Variants in RAPGEF4 observed in about 807,000 individuals in gnomAD.
The protein encoded by RAPGEF4 is Rap guanine nucleotide exchange factor 4.
A neutral mutation model predicts 147.9 loss-of-function variants in RAPGEF4; 66 were observed. That is an observed-to-expected ratio of 0.45 (90% CI 0.37 to 0.55). The LOEUF (loss-of-function observed/expected upper bound fraction) is 0.55. Ranked by LOEUF, RAPGEF4 falls within the 20% of genes least tolerant of loss-of-function variation. The probability of loss-of-function intolerance (pLI) is 0.00; values close to 1 mark genes in which losing one functional copy is unlikely to be tolerated. For missense variants in RAPGEF4, 1,071 were observed against 1,257.3 expected (o/e 0.85, Z 2.24); for synonymous variants, 419 against 442.7 (o/e 0.95, Z 0.67).
At chr2:172,799,313 G>A (rs531125901) in intron 3 of RAPGEF4, among the ~76,000 whole-genome samples, 1 of 152,212 alleles carries the variant, frequency 6.6e-6, no homozygotes, top group Admixed American at 6.5e-5. Context: ...CTTACCTCGA[G>A]TATTGTATCT....
intron 4 of RAPGEF4, among the ~76,000 whole-genome samples, chr2:172,859,044 T>C (rs1475488767): frequency 6.6e-6 from 1 of 152,250 alleles, no homozygotes; most frequent in Non-Finnish European, 1.5e-5. Flanking sequence ...GACAAGTCTG[T>C]ATTTTATGCC....
chr2:172,844,895 C>A (rs974183977), intron 4 of RAPGEF4, among the ~76,000 whole-genome samples: 1 of 152,170 alleles, frequency 6.6e-6, no homozygotes, highest in East Asian at 1.9e-4. Flanking sequence ...TTTCAACGTA[C>A]AACATTGAGC....
At chr2:172,900,827 T>G (rs1698990616) in intron 4 of RAPGEF4, among the ~76,000 whole-genome samples, 2 of 152,214 alleles carry the variant, frequency 1.3e-5, no homozygotes, top group Non-Finnish European at 2.9e-5. Flanking sequence ...ATAATAATAC[T>G]CAAACACCGT....
At chr2:172,913,041 G>A (rs548586200) in intron 4 of RAPGEF4, among the ~76,000 whole-genome samples, 23 of 151,842 alleles carry the variant, frequency 1.5e-4, no homozygotes, top group South Asian at 8.4e-4. Flanking sequence ...GATTACAGGC[G>A]CCCACCACCA....
At chr2:172,791,717 A>C (rs1053565274) in intron 1 of RAPGEF4, among the ~76,000 whole-genome samples, 3 of 152,164 alleles carry the variant, frequency 2.0e-5, no homozygotes, top group African/African-American at 7.2e-5. Context: ...GTTATCTCAA[A>C]TTAATTTTGT....
At chr2:173,044,144 A>G (rs1270410241) in intron 29 of RAPGEF4, among the ~76,000 whole-genome samples, 1 of 151,924 alleles carries the variant, frequency 6.6e-6, no homozygotes, top group Non-Finnish European at 1.5e-5. Context: ...TACCTACTCT[A>G]GTTACATGCT....
At chr2:172,898,168 A>G (rs897772252) in intron 4 of RAPGEF4, among the ~76,000 whole-genome samples, 2 of 152,186 alleles carry the variant, frequency 1.3e-5, no homozygotes, top group African/African-American at 4.8e-5. Context: ...GAAGTCAAAC[A>G]TCCAGATGGA....
At chr2:172,961,865 GCAAAGTCCTTTA>G (rs1689333970) in intron 8 of RAPGEF4, among the ~76,000 whole-genome samples, 1 of 152,188 alleles carries the variant, frequency 6.6e-6, no homozygotes, top group African/African-American at 2.4e-5. Flanking sequence ...AACAAAATAT[GCAAAGTCCTTTA>G]CAGAGCTTGT....
chr2:172,978,439 C>T (rs2105615117), intron 10 of RAPGEF4, among the ~76,000 whole-genome samples: 1 of 152,276 alleles, frequency 6.6e-6, no homozygotes, highest in East Asian at 1.9e-4. Flanking sequence ...GTTTTCACAC[C>T]CTCTGTTCTG....
At chr2:172,971,116 T>A (rs1690433525) in intron 10 of RAPGEF4, among the ~76,000 whole-genome samples, 1 of 152,244 alleles carries the variant, frequency 6.6e-6, no homozygotes, top group Non-Finnish European at 1.5e-5. Context: ...TTTGGCTTTC[T>A]TTGAGCAGGT....
chr2:173,046,875 G>C (rs1685537484), intron 29 of RAPGEF4, among the ~76,000 whole-genome samples: 1 of 152,170 alleles, frequency 6.6e-6, no homozygotes, highest in African/African-American at 2.4e-5. Flanking sequence ...TATTCAGTGA[G>C]GTATTATGAT....
chr2:172,947,828 A>C (rs541982485), intron 6 of RAPGEF4, among the ~76,000 whole-genome samples: 28 of 152,256 alleles, frequency 1.8e-4, no homozygotes, highest in African/African-American at 6.5e-4. Context: ...TATACATAGA[A>C]TATACATGTA....
chr2:173,006,535 T>G (rs1694498098), intron 17 of RAPGEF4, among the ~76,000 whole-genome samples: 1 of 152,334 alleles, frequency 6.6e-6, no homozygotes, highest in South Asian at 2.1e-4. Flanking sequence ...GAACATGGAT[T>G]TGCCACTAAG....
At chr2:172,745,433 C>G (rs1193408631) in intron 1 of RAPGEF4, among the ~76,000 whole-genome samples, 2 of 151,602 alleles carry the variant, frequency 1.3e-5, no homozygotes, top group Admixed American at 1.3e-4. Flanking sequence ...CCTTTGTATC[C>G]CATATTGGTA....
intron 3 of RAPGEF4, among the ~76,000 whole-genome samples, chr2:172,800,846 T>C (rs924393901): frequency 6.6e-6 from 1 of 152,204 alleles, no homozygotes; most frequent in Non-Finnish European, 1.5e-5. Flanking sequence ...AACATCTAGA[T>C]TAGTATTTAA....
intron 26 of RAPGEF4, among the ~76,000 whole-genome samples, chr2:173,032,263 A>G (rs1236292818): frequency 6.6e-6 from 1 of 152,112 alleles, no homozygotes; most frequent in East Asian, 1.9e-4. Flanking sequence ...TGCTGGAAGC[A>G]CCTCTTACCA....
rs764802638 is a variant in RAPGEF4, at chr2:172,795,176, T to G, written c.208+9T>G. On this transcript the variant is annotated intron_variant, in intron 2 of 30. Coordinates refer to ENST00000397081, the MANE Select transcript of RAPGEF4 (RefSeq NM_007023.4). ...GGAAAAGGGAATAACATGTAAGAAA[T>G]GCAACTCTTGTAGTATATTTCCATG... 6.3e-7 allele frequency: 1 copy of G among 1,598,318 alleles called. No individual in the cohort carries two copies. Among genetic ancestry groups the G allele is most frequent in the South Asian group, 1.1e-5 (1 of 90,550 alleles).
At chr2:173,031,387 A>G (rs1034625108) in intron 26 of RAPGEF4, among the ~76,000 whole-genome samples, 3 of 152,246 alleles carry the variant, frequency 2.0e-5, no homozygotes, top group African/African-American at 4.8e-5. Flanking sequence ...GCACAAAGCC[A>G]TAATGCAACT....
intron 22 of RAPGEF4, 70 bp from the exon 23 acceptor site, chr2:173,020,548 G>C: frequency 3.3e-6 from 4 of 1,221,852 alleles, no homozygotes; most frequent in Non-Finnish European, 4.8e-6. Context: ...CAATTTGTTG[G>C]TGTGATTAGG....
Sources: allele counts gnomAD v4.1 joint callset (sites outside exome capture counted in the v4.1 genomes callset), GRCh38; gene constraint gnomAD v4.1.1; transcripts MANE v1.5; gene names NCBI Gene and HGNC (gene_info 2026-07-23, HGNC 2026-07-21).